The following NCAPG2 variants were observed in gnomAD, a reference collection of about 807,000 sequenced individuals.
NCAPG2 encodes non-SMC condensin II complex subunit G2.
A neutral mutation model predicts 141.1 loss-of-function variants in NCAPG2; 53 were observed. That is an observed-to-expected ratio of 0.38 (90% CI 0.30 to 0.47). The LOEUF is 0.47. Ranked by LOEUF, NCAPG2 falls within the 20% of genes least tolerant of loss-of-function variation. The pLI is 0.99. For synonymous variants in NCAPG2, 499 were observed against 490.7 expected, an observed-to-expected ratio of 1.02 and a Z score of -0.22; for missense variants, 1,087 against 1,389.0, an observed-to-expected ratio of 0.78 and a Z score of 3.46.
intron 12 of NCAPG2, among the ~76,000 whole-genome samples, chr7:158,674,265 T>C (rs1430964424): frequency 6.8e-6 from 1 of 148,036 alleles, no homozygotes; most frequent in Non-Finnish European, 1.5e-5. Context: ...AGGGAGAGGT[T>C]GAATATGCAC....
In NCAPG2 at chr7:158,692,682, G is replaced by A. The variant is rs148988774; in HGVS notation, c.382+160C>T. 1.6e-4 allele frequency among the ~76,000 whole-genome samples: 25 copies of A among 152,214 alleles called. 1 individual carries two copies. The highest frequency in any genetic ancestry group is 5.3e-4 in the African/African-American group (22 of 41,534). ...CTTGAACCCGGGAGGCGGAGGTTGC[G>A]GTGAGCTGAGATCGCGCCATTGCAC... On this transcript the variant is annotated intron_variant, in intron 4 of 27. Transcript: ENST00000356309.
At chr7:158,660,519 A>T (rs1158722316) in intron 16 of NCAPG2, among the ~76,000 whole-genome samples, 2 of 150,716 alleles carry the variant, frequency 1.3e-5, no homozygotes, top group East Asian at 4.0e-4. Context: ...TCTGGGCTCA[A>T]GCAATCCTGC....
At position 158,680,758 on chromosome 7, in the gene NCAPG2, T is replaced by C. The variant is rs571154337; in HGVS notation, c.983A>G (p.Tyr328Cys). The stretch of plus-strand genomic sequence containing the variant: ...CCAAAGGATGGGCTTATATAATCTA[T>C]AAAGCATCTCTTCCACTCCCTGCCG... The part of the protein sequence containing the change: ...KVRQGVEEML[Y>C]RLYKPILWRG... Residue 328 changes from tyrosine (Y) to cysteine (C), a missense_variant, in exon 10 of 28, where the codon TAT becomes TGT. Coordinates refer to ENST00000356309, the MANE Select transcript of NCAPG2 (RefSeq NM_017760.7). 22 of 1,605,164 alleles carry C rather than the reference T, an allele frequency of 1.4e-5. No individual in the cohort carries two copies. Among genetic ancestry groups the C allele is most frequent in the East Asian group, 2.2e-5 (1 of 44,686 alleles).
rs148723637 is a variant in NCAPG2 at position 158,695,987 on chromosome 7, G to T, written c.79-2490C>A. Among the ~76,000 whole-genome samples the T allele has an allele frequency of 4.7e-3, 722 of 152,354 alleles. 3 individuals are homozygous for T. Among genetic ancestry groups the T allele is most frequent in the African/African-American group, 0.017 (697 of 41,588 alleles). On this transcript the variant is annotated intron_variant, in intron 2 of 27. Transcript: ENST00000356309. ...CTGTGCCCCAGCAAGGTGCCTTTTTGTAGTCTATATGCCCAGAGGGAGGTA... is the reference window on the plus strand; with the variant it reads ...CTGTGCCCCAGCAAGGTGCCTTTTTTTAGTCTATATGCCCAGAGGGAGGTA...
At chr7:158,687,728 CCA>C (rs1297790921) in intron 6 of NCAPG2, among the ~76,000 whole-genome samples, 5 of 152,234 alleles carry the variant, frequency 3.3e-5, no homozygotes, top group Non-Finnish European at 5.9e-5. Flanking sequence ...AACCATGGGT[CCA>C]TAAACATCTC....
chr7:158,654,574 C>A, intron 22 of NCAPG2, 21 bp downstream of exon 22: 2 of 1,610,912 alleles, frequency 1.2e-6, no homozygotes, highest in South Asian at 2.2e-5. Context: ...ATTTATTGCT[C>A]TAAAACAGCC....
rs796156538 is a variant in NCAPG2 at position 158,633,111 on chromosome 7, T to G, written c.3381-1394A>C. ...GAATGTAGTGAAAGAAAAAAGGGAA[T>G]CTGCATATATTTCTTTAAGCTCTGG... On this transcript the variant is annotated intron_variant, in intron 27 of 27. Transcript: ENST00000356309. This position sits in a 1 kb window ranked among gnomAD's most constrained non-coding sequence, Gnocchi z 4.1. 2.6e-5 allele frequency among the ~76,000 whole-genome samples: 4 copies of G among 152,310 alleles called. No homozygotes were observed. The highest frequency in any genetic ancestry group is 9.6e-5 in the African/African-American group (4 of 41,562).
rs375992847 is a variant in NCAPG2, at chr7:158,701,913, G to A, written c.-14C>T. On this transcript the variant is annotated 5_prime_UTR_variant, in exon 2 of 28. An upstream open reading frame in the 5' UTR gains an earlier in-frame stop. Coordinates refer to ENST00000356309, the MANE Select transcript of NCAPG2 (RefSeq NM_017760.7). ...ACGTTTTTCCATGACAGATGGCACT[G>A]TTCAAATGGCATTTATTTTGTAACC... 4.4e-5 allele frequency: 71 copies of A among 1,596,284 alleles called. No homozygotes were observed. Among genetic ancestry groups the A allele is most frequent in the Non-Finnish European group, 5.8e-5 (68 of 1,172,312 alleles).
intron 4 of NCAPG2, among the ~76,000 whole-genome samples, chr7:158,691,345 C>A (rs1835655571): frequency 6.6e-6 from 1 of 152,210 alleles, no homozygotes; most frequent in Admixed American, 6.5e-5. Context: ...TAGCACTAAT[C>A]ATTTCACTAG....
chr7:158,645,703 C>A (rs2129457530), intron 25 of NCAPG2, 84 bp from the exon 26 acceptor site: 1 of 1,261,392 alleles, frequency 7.9e-7, no homozygotes, highest in East Asian at 2.5e-5. Context: ...AAGGTTCAAC[C>A]ACAACCACAA....
rs773215783 is a variant in NCAPG2 at position 158,655,395 on chromosome 7, C to T, written c.2449G>A (p.Ala817Thr). 6.2e-7 allele frequency: 1 copy of T among 1,614,080 alleles called. No homozygotes were observed. Among genetic ancestry groups the T allele is most frequent in the Admixed American group, 1.7e-5 (1 of 59,996 alleles). The stretch of plus-strand genomic sequence containing the variant: ...TGGAGACCAAAGGCTCGCGGGGCAG[C>T]TGCTTCACTGAAGCCACGAGGCTTC... The part of the protein sequence containing the change: ...GGKPRGFSEA[A>T]APRAFGLHCR... Residue 817 changes from alanine to threonine, a missense_variant, in exon 20 of 28, where the codon GCT (alanine) becomes ACT (threonine). Physicochemically the swap from Ala to Thr is moderately conservative, Grantham distance 58. Transcript: ENST00000356309.
intron 22 of NCAPG2, among the ~76,000 whole-genome samples, chr7:158,653,377 A>T (rs3048948): frequency 0.089 from 4,414 of 49,424 alleles, 224 homozygotes; most frequent in African/African-American, 0.26. Context: ...AAAAAAAAAA[A>T]TAAAAAAAAA....
At chr7:158,661,512 G>A (rs1239983843) in intron 16 of NCAPG2, among the ~76,000 whole-genome samples, 1 of 152,106 alleles carries the variant, frequency 6.6e-6, no homozygotes, top group Non-Finnish European at 1.5e-5. Flanking sequence ...TAGATCAGAG[G>A]AGTAAGTTCA....
At position 158,692,961 on chromosome 7, in the gene NCAPG2, A is replaced by C; in HGVS notation, c.268-5T>G. 4 of 1,493,134 alleles carry C rather than the reference A, an allele frequency of 2.7e-6. No homozygotes were observed. Among genetic ancestry groups the C allele is most frequent in the Non-Finnish European group, 3.7e-6 (4 of 1,088,294 alleles). The allele number at this position is 1,493,134 out of a possible 1,614,324, so 92.5% of individuals were successfully genotyped here. A position where few individuals can be genotyped will look rare whatever the true frequency, so the allele number is the denominator to read the frequency against. On this transcript the variant is annotated splice_polypyrimidine_tract_variant and splice_region_variant and intron_variant, in intron 3 of 27. Coordinates refer to ENST00000356309, the MANE Select transcript of NCAPG2 (RefSeq NM_017760.7). ...AATTATTTCTATGCTTTTTCTCTATAAATGAAAAATCAAAGCATGAGTGAA... is the reference window on the plus strand; with the variant it reads ...AATTATTTCTATGCTTTTTCTCTATCAATGAAAAATCAAAGCATGAGTGAA...
intron 16 of NCAPG2, among the ~76,000 whole-genome samples, chr7:158,661,043 T>G (rs935228491): frequency 6.6e-6 from 1 of 152,212 alleles, no homozygotes; most frequent in African/African-American, 2.4e-5. Context: ...TTTTTCTTCA[T>G]AAATTACCCA....
In NCAPG2 at chr7:158,631,383, C is replaced by T. The variant is rs900239169; in HGVS notation, c.*283G>A. 5 of 399,788 alleles carry T rather than the reference C, an allele frequency of 1.3e-5. No individual in the cohort carries two copies. Among genetic ancestry groups the T allele is most frequent in the Non-Finnish European group, 2.2e-5 (5 of 228,192 alleles). 24.8% of individuals were successfully genotyped at this position (399,788 alleles called of 1,614,324 possible). A position where few individuals can be genotyped will look rare whatever the true frequency, so the allele number is the denominator to read the frequency against. ...ATATAAAAGTCATTTTAAAAACAAC[C>T]AGGTTTGCTAGAAAAGTGTTTTTTC... On this transcript the variant is annotated 3_prime_UTR_variant, in exon 28 of 28. Coordinates refer to ENST00000356309, the MANE Select transcript of NCAPG2 (RefSeq NM_017760.7).
chr7:158,651,113 G>T, intron 23 of NCAPG2, 141 bp from the exon 24 acceptor site: 2 of 848,864 alleles, frequency 2.4e-6, no homozygotes, highest in African/African-American at 1.8e-5. Flanking sequence ...TGCTACCAGT[G>T]CCCACTACAT....
chr7:158,666,521 G>A (rs964377029), intron 13 of NCAPG2, among the ~76,000 whole-genome samples: 2 of 151,652 alleles, frequency 1.3e-5, no homozygotes, highest in African/African-American at 4.9e-5. Context: ...CAGGCTTAGA[G>A]TGATTAAGTA....
chr7:158,672,966 T>C (rs981072234), intron 12 of NCAPG2, among the ~76,000 whole-genome samples: 1 of 152,254 alleles, frequency 6.6e-6, no homozygotes, highest in Non-Finnish European at 1.5e-5. Context: ...ATGACCCATC[T>C]GGGCAAGGGA....
Sources: gnomAD v4.1 joint callset for allele counts (sites outside exome capture counted in the v4.1 genomes callset) on GRCh38, gnomAD v4.1.1 for gene constraint, Gnocchi (gnomAD v3.1) non-coding constraint, MANE v1.5 for transcripts, NCBI Gene and HGNC (gene_info 2026-07-23, HGNC 2026-07-21) for gene names.